Variants in MTAP observed in about 807,000 individuals in gnomAD.
The protein encoded by MTAP is methylthioadenosine phosphorylase, also known as S-methyl-5'-thioadenosine phosphorylase.
In MTAP, 33 loss-of-function variants were observed where a neutral mutation model predicts 33.6. The ratio of observed to expected loss-of-function variants is 0.98; its 90% CI spans 0.74 to 1.31. MTAP has a LOEUF of 1.31. Ranked by LOEUF, MTAP falls within the 40% of genes most tolerant of loss-of-function variation. The pLI is 0.00. For missense variants in MTAP, 367 were observed against 360.0 expected (o/e 1.02, Z -0.16); for synonymous variants, 148 against 125.7 (o/e 1.18, Z -1.19).
At chr9:21,803,786 T>C (rs1274784626) in intron 1 of MTAP, among the ~76,000 whole-genome samples, 1 of 152,134 alleles carries the variant, frequency 6.6e-6, no homozygotes, top group East Asian at 1.9e-4. Context: ...TGCGATCTTC[T>C]CCAAAGCATC....
chr9:21,930,164 CT>C (rs754582754), intron 1 of MTAP: 27 of 368,740 alleles, frequency 7.3e-5, no homozygotes, highest in African/African-American at 4.0e-4. Context: ...TCAAAATTCT[CT>C]TTTTTTGGGA....
intron 1 of MTAP, among the ~76,000 whole-genome samples, chr9:21,928,564 C>T (rs1390359010): frequency 6.6e-6 from 1 of 152,132 alleles, no homozygotes; most frequent in African/African-American, 2.4e-5. Flanking sequence ...GAACTCATTC[C>T]CTGCTTTGAA....
chr9:21,809,004 A>G (rs1167027487), intron 1 of MTAP: 1 of 152,202 alleles, frequency 6.6e-6, no homozygotes, highest in Non-Finnish European at 1.5e-5. Flanking sequence ...CAGAACTGTG[A>G]GAAGATAAGT....
At chr9:21,919,272 A>G (rs552178665) in intron 1 of MTAP, among the ~76,000 whole-genome samples, 29 of 152,264 alleles carry the variant, frequency 1.9e-4, no homozygotes, top group African/African-American at 5.1e-4. Flanking sequence ...CCCACATTCA[A>G]TTGTTTTTAA....
At chr9:21,910,787 C>T (rs188639241) in intron 1 of MTAP, among the ~76,000 whole-genome samples, 51 of 152,194 alleles carry the variant, frequency 3.4e-4, no homozygotes, top group Non-Finnish European at 2.9e-5. Context: ...AGTCCAACTC[C>T]AGAGTATTTC....
intron 1 of MTAP, among the ~76,000 whole-genome samples, chr9:21,904,335 A>G (rs1218424022): frequency 2.0e-5 from 3 of 152,170 alleles, no homozygotes; most frequent in African/African-American, 7.2e-5. Flanking sequence ...TTGCGCAGGA[A>G]AACAAAAATG....
intron 1 of MTAP, among the ~76,000 whole-genome samples, chr9:21,886,273 A>G (rs987766672): frequency 6.6e-6 from 1 of 152,078 alleles, no homozygotes; most frequent in Non-Finnish European, 1.5e-5. Context: ...TTTTCTATTC[A>G]TATCCTTAGC....
At chr9:21,889,288 A>G (rs1237613128) in intron 1 of MTAP, among the ~76,000 whole-genome samples, 3 of 151,886 alleles carry the variant, frequency 2.0e-5, no homozygotes, top group Non-Finnish European at 4.4e-5. Context: ...TTTCATCCAT[A>G]TCCTATTTTA....
chr9:21,909,538 G>C (rs530438054), intron 1 of MTAP, among the ~76,000 whole-genome samples: 4 of 152,068 alleles, frequency 2.6e-5, no homozygotes, highest in Non-Finnish European at 5.9e-5. Flanking sequence ...GATATGTAGT[G>C]TGTTATATTT....
downstream of MTAP, chr9:21,933,322 A>G (rs953385927): frequency 1.5e-4 from 23 of 152,148 alleles, no homozygotes; most frequent in African/African-American, 5.1e-4. Context: ...ATATCTACAA[A>G]GGAAGTCTCC....
intron 7 of MTAP, 21 bp from the exon 8 acceptor site, chr9:21,861,955 T>C (rs1825764196): frequency 7.5e-7 from 1 of 1,331,310 alleles, no homozygotes; most frequent in Non-Finnish European, 1.1e-6. Context: ...TGAATATCAC[T>C]GCCTCCTTTC....
At chr9:21,818,686 A>G (rs191995602) in intron 4 of MTAP, among the ~76,000 whole-genome samples, 4 of 152,336 alleles carry the variant, frequency 2.6e-5, no homozygotes, top group Admixed American at 2.6e-4. Flanking sequence ...TGATAAATGT[A>G]TATATGAGGT....
chr9:21,915,376 C>T (rs991344824), intron 1 of MTAP, among the ~76,000 whole-genome samples: 1 of 152,086 alleles, frequency 6.6e-6, no homozygotes. Context: ...CAGGTGTCAG[C>T]CACCCGTGCC....
intron 1 of MTAP, among the ~76,000 whole-genome samples, chr9:21,877,099 G>A (rs1037482102): frequency 6.6e-6 from 1 of 151,926 alleles, no homozygotes; most frequent in Non-Finnish European, 1.5e-5. Flanking sequence ...GTATTCCTAG[G>A]TATTTTATTC....
chr9:21,863,381 G>A lies in MTAP; in HGVS notation c.*1367G>A. 1 of 874,020 alleles carries A rather than the reference G, an allele frequency of 1.1e-6. No individual in the cohort carries two copies. Among genetic ancestry groups the A allele is most frequent in the Non-Finnish European group, 1.4e-6 (1 of 728,562 alleles). 54.1% of individuals were successfully genotyped at this position (874,020 alleles called of 1,614,324 possible). Reference sequence around the variant, plus strand: ...CCAGCACTGTGGGAGGCCGAGACGGGTGGATCACAAGGTCAGGAGATCGAG... The same window carrying A: ...CCAGCACTGTGGGAGGCCGAGACGGATGGATCACAAGGTCAGGAGATCGAG... On this transcript the variant is annotated 3_prime_UTR_variant, in exon 8 of 8. Transcript: ENST00000644715.
chr9:21,881,655 G>A (rs555402685), intron 1 of MTAP, among the ~76,000 whole-genome samples: 1 of 152,036 alleles, frequency 6.6e-6, no homozygotes, highest in South Asian at 2.1e-4. Flanking sequence ...AATTATTAGA[G>A]AAATAGAAAT....
chr9:21,937,049 T>A (rs1042295212), exon 8 of MTAP: 3 of 152,178 alleles, frequency 2.0e-5, no homozygotes, highest in Admixed American at 6.5e-5. Flanking sequence ...GAATGTATTA[T>A]AAGGTTTTAA....
At chr9:21,914,550 G>A (rs538076227) in intron 1 of MTAP, among the ~76,000 whole-genome samples, 15 of 149,862 alleles carry the variant, frequency 1.0e-4, no homozygotes, top group Non-Finnish European at 2.2e-4. Context: ...CAAACACCGC[G>A]TGTTCTCACT....
chr9:21,909,425 G>T (rs969890365), intron 1 of MTAP, among the ~76,000 whole-genome samples: 2 of 152,122 alleles, frequency 1.3e-5, no homozygotes, highest in Admixed American at 6.5e-5. Context: ...CTGTGTCATG[G>T]TGGGGTACTC....
Sources: allele counts gnomAD v4.1 joint callset (sites outside exome capture counted in the v4.1 genomes callset), GRCh38; gene constraint gnomAD v4.1.1; transcripts MANE v1.5; gene names NCBI Gene and HGNC (gene_info 2026-07-23, HGNC 2026-07-21).